Variants in PCDH10 observed in about 807,000 individuals in gnomAD.
PCDH10 encodes the protein protocadherin-10.
A neutral mutation model predicts 74.4 loss-of-function variants in PCDH10; 15 were observed. That is an observed-to-expected ratio of 0.20 (90% CI 0.13 to 0.31). The LOEUF is 0.31. Ranked by LOEUF, PCDH10 falls within the 10% of genes least tolerant of loss-of-function variation. The pLI, the probability that PCDH10 is intolerant of heterozygous loss-of-function variation, is 1.00. For synonymous variants in PCDH10, 619 were observed against 589.8 expected (o/e 1.05, Z -0.72); for missense variants, 1,260 against 1,390.2 (o/e 0.91, Z 1.49).
intron 4 of PCDH10, among the ~76,000 whole-genome samples, chr4:133,177,510 T>G (rs1003304420): frequency 1.3e-5 from 2 of 152,242 alleles, no homozygotes; most frequent in South Asian, 2.1e-4. Context: ...CAGTTTTGCA[T>G]GTACATCACC....
intron 2 of PCDH10, among the ~76,000 whole-genome samples, chr4:133,202,590 T>C (rs1464977858): frequency 6.6e-6 from 1 of 152,116 alleles, no homozygotes; most frequent in East Asian, 1.9e-4. Context: ...GGCAAGAGAT[T>C]CTCAGGAATC....
chr4:133,199,681 C>T (rs1428652138), downstream of PCDH10, among the ~76,000 whole-genome samples: 1 of 151,008 alleles, frequency 6.6e-6, no homozygotes, highest in Admixed American at 6.6e-5. Flanking sequence ...CTAATTTTCT[C>T]TATTATTTAA....
Position 133,152,548 on chromosome 4 carries a change from C to A in PCDH10, c.2408C>A (p.Pro803Gln). Residue 803 changes from proline to glutamine, a missense_variant, in exon 1 of 5, where the codon CCG (proline) becomes CAG (glutamine). Coordinates refer to ENST00000264360, the MANE Select transcript of PCDH10 (RefSeq NM_032961.3). ...SNVPSNPAQV[P>Q]IEESGGFGSH... ...GTACCCAGTAACCCGGCCCAGGTGC[C>A]GATAGAGGAGTCCGGGGGCTTTGGC... The A allele has an allele frequency of 1.2e-6, 2 of 1,614,140 alleles. No homozygotes were observed. Among genetic ancestry groups the A allele is most frequent in the Non-Finnish European group, 8.5e-7 (1 of 1,180,036 alleles).
At chr4:133,174,679 A>G (rs111290230) in intron 4 of PCDH10, among the ~76,000 whole-genome samples, 1 of 151,406 alleles carries the variant, frequency 6.6e-6, no homozygotes, top group Non-Finnish European at 1.5e-5. Flanking sequence ...GACTGGTATT[A>G]GACAATTTAG....
At chr4:133,197,464 T>C (rs952740012), downstream of PCDH10, among the ~76,000 whole-genome samples, 18 of 152,178 alleles carry the variant, frequency 1.2e-4, no homozygotes, top group Non-Finnish European at 1.9e-4. Context: ...TTTTTTCTTT[T>C]GAATCAATTA....
Position 133,150,111 on chromosome 4 carries a change from T to G in PCDH10, c.-30T>G, listed in dbSNP as rs770452370. ...GGAGGTGATTGGGTGGCTGACTGGCTGCGGGAAGCTACTTCCTTTCCTTTT... is the reference window on the plus strand; with the variant it reads ...GGAGGTGATTGGGTGGCTGACTGGCGGCGGGAAGCTACTTCCTTTCCTTTT... On this transcript the variant is annotated 5_prime_UTR_variant, in exon 1 of 5. Coordinates refer to ENST00000264360, the MANE Select transcript of PCDH10 (RefSeq NM_032961.3). 4 of 1,470,172 alleles carry G rather than the reference T, an allele frequency of 2.7e-6. No individual in the cohort carries two copies. Among genetic ancestry groups the G allele is most frequent in the Non-Finnish European group, 3.6e-6 (4 of 1,107,778 alleles). 91.1% of individuals were successfully genotyped at this position (1,470,172 alleles called of 1,614,324 possible).
intron 4 of PCDH10, among the ~76,000 whole-genome samples, chr4:133,177,357 A>T (rs1237110852): frequency 6.6e-6 from 1 of 152,172 alleles, no homozygotes; most frequent in Non-Finnish European, 1.5e-5. Context: ...TTTCAAAGTG[A>T]CACAGAACTA....
rs1025899078 is a variant in PCDH10, at chr4:133,184,553, G to A, written c.3104-5588G>A. Among the ~76,000 whole-genome samples the A allele has an allele frequency of 1.3e-3, 191 of 151,530 alleles. 2 individuals are homozygous for A. Among genetic ancestry groups the A allele is most frequent in the Non-Finnish European group, 9.7e-4 (66 of 67,926 alleles). ...CAGAAGAATCGCCTGAACCCGGGAA[G>A]CTGAGGTTGCAGTGAGCCAGGATCA... On this transcript the variant is annotated intron_variant, in intron 4 of 4. Coordinates refer to ENST00000264360, the MANE Select transcript of PCDH10 (RefSeq NM_032961.3).
Position 133,150,648 on chromosome 4 carries a change from G to A in PCDH10, c.508G>A (p.Asp170Asn), listed in dbSNP as rs1431074158. 1 of 1,613,242 alleles carries A rather than the reference G, an allele frequency of 6.2e-7. No individual in the cohort carries two copies. Among genetic ancestry groups the A allele is most frequent in the Admixed American group, 1.7e-5 (1 of 59,998 alleles). The change falls in exon 1 of 5, where the codon GAC (aspartate) becomes AAC (asparagine). Residue 170 changes from aspartate to asparagine, a missense_variant. This residue lies in a region of PCDH10 where 35 missense variants were observed against 29.1 expected (regional missense o/e 1.20). Transcript: ENST00000264360. ...CACCCCCAACAGCTACTTCTCCCTG[G>A]ACGTGCAGACCCAGGGGGATGGCAA... is the stretch of plus-strand genomic sequence containing the variant. ...EITPNSYFSL[D>N]VQTQGDGNRF... is the part of the protein sequence containing the mutation.
At chr4:133,166,549 T>C (rs1727085263) in intron 4 of PCDH10, among the ~76,000 whole-genome samples, 1 of 151,490 alleles carries the variant, frequency 6.6e-6, no homozygotes, top group Non-Finnish European at 1.5e-5. Flanking sequence ...AAAATGAATA[T>C]AAAGTCAAGA....
At position 133,190,087 on chromosome 4, in the gene PCDH10, A is replaced by G. The variant is rs1727627472; in HGVS notation, c.3104-54A>G. 11 of 1,451,604 alleles carry G rather than the reference A, an allele frequency of 7.6e-6. No homozygotes were observed. The Admixed American group carries it at 1.7e-4, about 22-fold the overall frequency. The allele number at this position is 1,451,604 out of a possible 1,614,324, so 89.9% of individuals were successfully genotyped here. On this transcript the variant is annotated intron_variant, in intron 4 of 4. Transcript: ENST00000264360. ...TTCTTTTACAATAATGTGTAATTCTAAACTCCAAAAGTCAACCTCTTTTTC... is the reference window on the plus strand; with the variant it reads ...TTCTTTTACAATAATGTGTAATTCTGAACTCCAAAAGTCAACCTCTTTTTC...
intron 2 of PCDH10, among the ~76,000 whole-genome samples, chr4:133,205,262 C>A (rs1449102909): frequency 6.6e-6 from 1 of 152,074 alleles, no homozygotes; most frequent in African/African-American, 2.4e-5. Context: ...TGAAAAAGAC[C>A]AAAACTCTGT....
intron 4 of PCDH10, among the ~76,000 whole-genome samples, chr4:133,177,470 C>T (rs1376093245): frequency 6.6e-6 from 1 of 151,928 alleles, no homozygotes; most frequent in Non-Finnish European, 1.5e-5. Flanking sequence ...TTTTTTGATT[C>T]TATGTGTTTC....
At chr4:133,200,399 A>G (rs1216859730) in intron 2 of PCDH10, among the ~76,000 whole-genome samples, 1 of 151,994 alleles carries the variant, frequency 6.6e-6, no homozygotes. Context: ...CACCCATAAC[A>G]ATAAGTAATA....
chr4:133,200,432 A>G (rs773843451), intron 2 of PCDH10, among the ~76,000 whole-genome samples: 8 of 152,100 alleles, frequency 5.3e-5, no homozygotes, highest in Non-Finnish European at 1.0e-4. Flanking sequence ...ATGTTAATAA[A>G]ATATTTAAAA....
chr4:133,180,212 G>A (rs970262968), intron 4 of PCDH10, among the ~76,000 whole-genome samples: 1 of 151,790 alleles, frequency 6.6e-6, no homozygotes, highest in African/African-American at 2.4e-5. Flanking sequence ...ACGTATCATT[G>A]GAAAACGTAT....
At chr4:133,154,689 T>G (rs962757813) in intron 2 of PCDH10, among the ~76,000 whole-genome samples, 4 of 152,194 alleles carry the variant, frequency 2.6e-5, no homozygotes, top group Non-Finnish European at 5.9e-5. Context: ...TAGCTCCAAT[T>G]ATAGAGTAAT....
chr4:133,150,928 C>A lies in PCDH10; in HGVS notation c.788C>A (p.Ser263Tyr). The change falls in exon 1 of 5, where the codon TCT becomes TAT. Residue 263 changes from serine to tyrosine, a missense_variant. Transcript: ENST00000264360. ...TACACTGTGTCCCTACCAGAGAACT[C>A]TCCCCCAGGCACTCTCGTGATCCAG... is the stretch of plus-strand genomic sequence containing the variant. ...PVYTVSLPEN[S>Y]PPGTLVIQLN... 1 of 1,613,924 alleles carries A rather than the reference C, an allele frequency of 6.2e-7. No individual in the cohort carries two copies. The highest frequency in any genetic ancestry group is 8.5e-7 in the Non-Finnish European group (1 of 1,180,030).
intron 4 of PCDH10, among the ~76,000 whole-genome samples, chr4:133,165,824 A>T (rs1727068736): frequency 6.6e-6 from 1 of 151,756 alleles, no homozygotes; most frequent in Non-Finnish European, 1.5e-5. Flanking sequence ...AGTACAAATA[A>T]CTTTTGATTT....
Sources: gnomAD v4.1 joint callset for allele counts (sites outside exome capture counted in the v4.1 genomes callset) on GRCh38, gnomAD v4.1.1 for gene constraint, gnomAD v4.1.1 regional missense constraint, MANE v1.5 for transcripts, NCBI Gene and HGNC (gene_info 2026-07-23, HGNC 2026-07-21) for gene names.